The following NELL1 variants were observed in gnomAD, a reference collection of about 807,000 sequenced individuals.
The protein encoded by NELL1 is protein kinase C-binding protein NELL1.
In NELL1, 76 loss-of-function variants were observed where a neutral mutation model predicts 107.4. The observed-to-expected ratio is 0.71, with a 90% CI of 0.59 to 0.86. The LOEUF is 0.86. NELL1 is among the 40% of genes least tolerant of loss of function. The pLI is 0.00. For missense variants in NELL1, 1,024 were observed against 1,005.5 expected, an observed-to-expected ratio of 1.02 and a Z score of -0.25; for synonymous variants, 353 against 341.2, an observed-to-expected ratio of 1.03 and a Z score of -0.38.
chr11:20,692,180 TC>T (rs1565309765), intron 2 of NELL1, among the ~76,000 whole-genome samples: 1 of 152,140 alleles, frequency 6.6e-6, no homozygotes, highest in Admixed American at 6.5e-5. Flanking sequence ...TCTCTTTTTT[TC>T]TTTATTAGTC....
intron 11 of NELL1, among the ~76,000 whole-genome samples, chr11:20,953,510 G>C (rs1005930784): frequency 6.6e-6 from 1 of 152,104 alleles, no homozygotes; most frequent in Non-Finnish European, 1.5e-5. Flanking sequence ...AGTGTAATAG[G>C]CAGAGCTTAT....
At chr11:21,117,250 T>C (rs1855258936) in intron 13 of NELL1, among the ~76,000 whole-genome samples, 1 of 152,030 alleles carries the variant, frequency 6.6e-6, no homozygotes, top group South Asian at 2.1e-4. Flanking sequence ...CACCTGATTT[T>C]AGTTCTCTGA....
intron 13 of NELL1, among the ~76,000 whole-genome samples, chr11:21,134,991 CT>C (rs1565077052): frequency 6.6e-6 from 1 of 152,154 alleles, no homozygotes; most frequent in Admixed American, 6.5e-5. Context: ...GACCGAATGC[CT>C]AGCATATAAT....
intron 13 of NELL1, among the ~76,000 whole-genome samples, chr11:21,151,471 T>C (rs1856116026): frequency 6.6e-6 from 1 of 152,080 alleles, no homozygotes; most frequent in Admixed American, 6.6e-5. Context: ...GTGTTGATGG[T>C]GCGCGTGGTG....
At chr11:21,261,872 A>G (rs1304420802) in intron 14 of NELL1, among the ~76,000 whole-genome samples, 2 of 151,852 alleles carry the variant, frequency 1.3e-5, no homozygotes, top group African/African-American at 4.8e-5. Flanking sequence ...AATGCTTTTA[A>G]CAGATTCAAT....
chr11:20,864,930 C>T (rs1849066192), intron 4 of NELL1, among the ~76,000 whole-genome samples: 2 of 152,220 alleles, frequency 1.3e-5, no homozygotes, highest in South Asian at 4.1e-4. Context: ...ACAACATCCT[C>T]ATTGGCAGGA....
intron 15 of NELL1, among the ~76,000 whole-genome samples, chr11:21,458,708 A>G (rs1853814593): frequency 6.6e-6 from 1 of 152,156 alleles, no homozygotes; most frequent in Non-Finnish European, 1.5e-5. Flanking sequence ...AACATTAGAA[A>G]ACTGAGCAAT....
At chr11:20,898,682 T>C (rs1159180686) in intron 5 of NELL1, among the ~76,000 whole-genome samples, 3 of 152,124 alleles carry the variant, frequency 2.0e-5, no homozygotes, top group Non-Finnish European at 4.4e-5. Context: ...TGGTTTTAAT[T>C]TGCATTTCCC....
At chr11:20,755,565 T>TTTTTTTTATTTTTTA (rs1564895103) in intron 2 of NELL1, among the ~76,000 whole-genome samples, 4 of 141,866 alleles carry the variant, frequency 2.8e-5, no homozygotes, top group African/African-American at 1.1e-4. Context: ...TGTTTTTGTT[T>TTTTTTTTATTTTTTA]TTTTTTTTTT....
chr11:20,840,107 T>G (rs1848595162), intron 3 of NELL1, among the ~76,000 whole-genome samples: 1 of 152,230 alleles, frequency 6.6e-6, no homozygotes, highest in Non-Finnish European at 1.5e-5. Context: ...TATAATGGTT[T>G]ATTTATATTA....
chr11:21,503,792 A>G (rs1378298548), intron 15 of NELL1, among the ~76,000 whole-genome samples: 1 of 151,814 alleles, frequency 6.6e-6, no homozygotes, highest in Admixed American at 6.6e-5. Context: ...GTCTCCATAT[A>G]CTATTCTTTG....
chr11:21,555,933 G>A (rs1856693391), intron 16 of NELL1, among the ~76,000 whole-genome samples: 1 of 151,902 alleles, frequency 6.6e-6, no homozygotes, highest in Non-Finnish European at 1.5e-5. Flanking sequence ...ACATGATAGA[G>A]CATGGCTGCC....
At chr11:21,331,011 A>G (rs1442431297) in intron 14 of NELL1, among the ~76,000 whole-genome samples, 1 of 152,010 alleles carries the variant, frequency 6.6e-6, no homozygotes, top group Non-Finnish European at 1.5e-5. Flanking sequence ...CCTCTAGTAC[A>G]TTTTTCATTT....
intron 13 of NELL1, among the ~76,000 whole-genome samples, chr11:21,114,775 A>G (rs912008878): frequency 6.6e-5 from 10 of 152,018 alleles, no homozygotes; most frequent in African/African-American, 2.2e-4. Context: ...TACTCTTAGG[A>G]AAAGAAGAGA....
chr11:21,044,855 A>G (rs1348684904), intron 12 of NELL1, among the ~76,000 whole-genome samples: 2 of 152,170 alleles, frequency 1.3e-5, no homozygotes, highest in African/African-American at 2.4e-5. Flanking sequence ...AGGTAAGAGA[A>G]GGTTTGACTA....
intron 2 of NELL1, among the ~76,000 whole-genome samples, chr11:20,712,843 C>A (rs981859388): frequency 2.0e-5 from 3 of 152,178 alleles, no homozygotes; most frequent in Admixed American, 6.5e-5. Context: ...TTCAGGTCTC[C>A]CAGCTGTGGA....
intron 15 of NELL1, among the ~76,000 whole-genome samples, chr11:21,374,887 C>CTGTGTGTGTGTGTG (rs10566953): frequency 3.1e-4 from 44 of 143,846 alleles, no homozygotes; most frequent in African/African-American, 8.1e-4. Context: ...CTGTGTGTGT[C>CTGTGTGTGTGTGTG]TGTGTGTGTG....
chr11:20,779,125 A>G (rs921799696), intron 2 of NELL1, among the ~76,000 whole-genome samples: 6 of 152,194 alleles, frequency 3.9e-5, no homozygotes, highest in African/African-American at 1.4e-4. Context: ...CTACAACTGT[A>G]ATTCACCAGT....
At chr11:21,327,794 G>A (rs1285791448) in intron 14 of NELL1, among the ~76,000 whole-genome samples, 4 of 152,070 alleles carry the variant, frequency 2.6e-5, no homozygotes, top group South Asian at 2.1e-4. Context: ...AGGTGGTCTC[G>A]GATGGAGATG....
Sources: gnomAD v4.1 joint callset for allele counts (sites outside exome capture counted in the v4.1 genomes callset) on GRCh38, gnomAD v4.1.1 for gene constraint, MANE v1.5 for transcripts, NCBI Gene and HGNC (gene_info 2026-07-23, HGNC 2026-07-21) for gene names.